Variants in PCDH15 observed in about 807,000 individuals in gnomAD.
The protein encoded by PCDH15 is protocadherin-15.
Under a neutral mutation model 178.5 loss-of-function variants are expected in PCDH15, and 129 were observed. That is an observed-to-expected ratio of 0.72 (90% CI 0.63 to 0.84). The LOEUF (loss-of-function observed/expected upper bound fraction) is 0.84. Ranked by LOEUF, PCDH15 falls within the 40% of genes least tolerant of loss-of-function variation. The pLI is 0.00. For synonymous variants in PCDH15, 800 were observed against 732.0 expected (o/e 1.09, Z -1.50); for missense variants, 2,230 against 2,099.9 (o/e 1.06, Z -1.21).
chr10:55,336,144 A>C (rs939563636), intron 2 of PCDH15, among the ~76,000 whole-genome samples: 2 of 150,488 alleles, frequency 1.3e-5, no homozygotes, highest in African/African-American at 4.9e-5. Flanking sequence ...AAAAAAAAAA[A>C]AAAAAAAAAA....
At chr10:54,108,358 A>G (rs1358770057) in intron 15 of PCDH15, among the ~76,000 whole-genome samples, 1 of 152,160 alleles carries the variant, frequency 6.6e-6, no homozygotes, top group Non-Finnish European at 1.5e-5. Flanking sequence ...GAGGCTTTGC[A>G]TTGAACTCAG....
At chr10:54,695,078 G>C (rs2095199201) in intron 1 of PCDH15, among the ~76,000 whole-genome samples, 1 of 151,900 alleles carries the variant, frequency 6.6e-6, no homozygotes, top group Non-Finnish European at 1.5e-5. Context: ...GGGAGGGGGA[G>C]GGGGAAGGGA....
At chr10:54,132,809 T>A in intron 15 of PCDH15, 66 bp downstream of exon 15, 1 of 1,553,618 alleles carries the variant, frequency 6.4e-7, no homozygotes, top group Non-Finnish European at 8.7e-7. Flanking sequence ...TATAAACTCA[T>A]TAAATGCCAA....
chr10:54,415,797 TGA>T (rs1212032511), intron 3 of PCDH15, among the ~76,000 whole-genome samples: 1 of 151,718 alleles, frequency 6.6e-6, no homozygotes, highest in Non-Finnish European at 1.5e-5. Context: ...AATGACAAAA[TGA>T]GAAATAAAAT....
chr10:54,328,821 C>G (rs1308540933), intron 7 of PCDH15, among the ~76,000 whole-genome samples: 3 of 151,868 alleles, frequency 2.0e-5, no homozygotes, highest in Non-Finnish European at 4.4e-5. Context: ...TGGAAGGAAC[C>G]TAAGTCCCTG....
intron 2 of PCDH15, among the ~76,000 whole-genome samples, chr10:54,570,121 G>T (rs2089607962): frequency 6.6e-6 from 1 of 151,968 alleles, no homozygotes; most frequent in South Asian, 2.1e-4. Flanking sequence ...GTAATTGTGT[G>T]ATAGGTGGAA....
chr10:54,373,863 T>C (rs1315125168), intron 4 of PCDH15, among the ~76,000 whole-genome samples: 1 of 152,032 alleles, frequency 6.6e-6, no homozygotes, highest in Admixed American at 6.6e-5. Flanking sequence ...CTGATAGCAC[T>C]GGATAACAGT....
intron 2 of PCDH15, among the ~76,000 whole-genome samples, chr10:54,969,239 G>A (rs1487524977): frequency 1.3e-5 from 2 of 152,066 alleles, no homozygotes; most frequent in Admixed American, 1.3e-4. Context: ...TAGGAGAGAG[G>A]CACATTACTT....
At chr10:54,351,117 A>T (rs1944106703) in intron 5 of PCDH15, among the ~76,000 whole-genome samples, 1 of 152,128 alleles carries the variant, frequency 6.6e-6, no homozygotes, top group African/African-American at 2.4e-5. Context: ...TAAAAAAAAA[A>T]AAAGATAGAT....
At chr10:54,144,717 T>C (rs2043742042) in intron 14 of PCDH15, among the ~76,000 whole-genome samples, 1 of 152,148 alleles carries the variant, frequency 6.6e-6, no homozygotes, top group Non-Finnish European at 1.5e-5. Flanking sequence ...ACCGAAACCT[T>C]GGTGTTTTCG....
chr10:54,470,625 ACT>A (rs1247915119), intron 3 of PCDH15, among the ~76,000 whole-genome samples: 1 of 151,786 alleles, frequency 6.6e-6, no homozygotes, highest in Non-Finnish European at 1.5e-5. Context: ...GGGTTGAAGG[ACT>A]CTACCATGGC....
At chr10:54,395,940 T>C (rs1217449150) in intron 3 of PCDH15, among the ~76,000 whole-genome samples, 1 of 152,090 alleles carries the variant, frequency 6.6e-6, no homozygotes, top group African/African-American at 2.4e-5. Context: ...GCTGAACCAA[T>C]TTACCTATGG....
intron 2 of PCDH15, among the ~76,000 whole-genome samples, chr10:55,138,341 T>C (rs1838259322): frequency 6.6e-6 from 1 of 152,148 alleles, no homozygotes; most frequent in Admixed American, 6.6e-5. Context: ...CTATGTCAAA[T>C]CATAAGCTAT....
chr10:53,942,576 G>A (rs890521367), intron 23 of PCDH15, among the ~76,000 whole-genome samples: 3 of 152,206 alleles, frequency 2.0e-5, no homozygotes, highest in Non-Finnish European at 4.4e-5. Flanking sequence ...GATGAAGTAA[G>A]CTGCCATATG....
At chr10:54,517,577 T>A (rs965983613) in intron 3 of PCDH15, among the ~76,000 whole-genome samples, 3 of 152,040 alleles carry the variant, frequency 2.0e-5, no homozygotes, top group African/African-American at 2.4e-5. Flanking sequence ...CTGAGTGACC[T>A]ACAAAGAGAC....
At chr10:54,879,998 C>G (rs1164691898) in intron 3 of PCDH15, among the ~76,000 whole-genome samples, 1 of 152,102 alleles carries the variant, frequency 6.6e-6, no homozygotes, top group Non-Finnish European at 1.5e-5. Flanking sequence ...CCTATCTACA[C>G]TGTGATCACT....
chr10:53,930,909 T>C (rs2085004854), intron 25 of PCDH15, among the ~76,000 whole-genome samples: 2 of 152,182 alleles, frequency 1.3e-5, no homozygotes, highest in Non-Finnish European at 2.9e-5. Context: ...CAGCAGGACC[T>C]AGACCAAACT....
At chr10:54,593,398 C>T (rs184674053) in intron 2 of PCDH15, among the ~76,000 whole-genome samples, 120 of 152,032 alleles carry the variant, frequency 7.9e-4, no homozygotes, top group African/African-American at 2.8e-3. Flanking sequence ...TGTGGATATC[C>T]AGTTTTCTCA....
intron 1 of PCDH15, among the ~76,000 whole-genome samples, chr10:54,697,186 C>G (rs1278259392): frequency 6.6e-6 from 1 of 151,954 alleles, no homozygotes; most frequent in African/African-American, 2.4e-5. Context: ...AAAATAGTAA[C>G]AAATTTCAAA....
Sources: allele counts gnomAD v4.1 joint callset (sites outside exome capture counted in the v4.1 genomes callset), GRCh38; gene constraint gnomAD v4.1.1; transcripts MANE v1.5; gene names NCBI Gene and HGNC (gene_info 2026-07-23, HGNC 2026-07-21).